KLF7: variants seen among roughly 807,000 people sequenced by gnomAD.
The protein encoded by KLF7 is KLF transcription factor 7.
In KLF7, 2 loss-of-function variants were observed where a neutral mutation model predicts 27.3. The observed-to-expected ratio is 0.07, with a 90% confidence interval of 0.03 to 0.23. The LOEUF is 0.23. Ranked by LOEUF, KLF7 falls within the 10% of genes least tolerant of loss-of-function variation. KLF7 has a pLI of 1.00. For missense variants in KLF7, 221 were observed against 394.1 expected (o/e 0.56, Z 3.72); for synonymous variants, 165 against 162.4 (o/e 1.02, Z -0.12).
intron 2 of KLF7, among the ~76,000 whole-genome samples, chr2:207,092,523 C>A (rs544382681): frequency 6.6e-6 from 1 of 152,354 alleles, no homozygotes; most frequent in African/African-American, 2.4e-5. Flanking sequence ...GAGGTGAAAA[C>A]AGACTTATAG....
At chr2:207,163,944 C>G (rs1315848619) in intron 1 of KLF7, among the ~76,000 whole-genome samples, 3 of 152,236 alleles carry the variant, frequency 2.0e-5, no homozygotes, top group Admixed American at 2.0e-4. Flanking sequence ...TGAAGAAAGA[C>G]TTTATTCTAA....
intron 1 of KLF7, among the ~76,000 whole-genome samples, chr2:207,143,727 G>T (rs1028732095): frequency 6.6e-6 from 1 of 152,296 alleles, no homozygotes; most frequent in Admixed American, 6.5e-5. Context: ...CAACGCAGGC[G>T]CCTTCAGCGA....
At chr2:207,130,200 T>G (rs1164283185) in intron 1 of KLF7, among the ~76,000 whole-genome samples, 1 of 152,206 alleles carries the variant, frequency 6.6e-6, no homozygotes, top group African/African-American at 2.4e-5. Flanking sequence ...GAAACAATCT[T>G]CCTTTCGCCT....
intron 1 of KLF7, among the ~76,000 whole-genome samples, chr2:207,147,656 C>T (rs749558122): frequency 1.1e-4 from 17 of 152,160 alleles, no homozygotes; most frequent in Non-Finnish European, 1.9e-4. Context: ...AAAGGTTTCA[C>T]CCCTATTTTC....
intron 1 of KLF7, among the ~76,000 whole-genome samples, chr2:207,148,631 T>C (rs571679716): frequency 1.8e-4 from 28 of 152,286 alleles, no homozygotes; most frequent in African/African-American, 6.7e-4. Context: ...AAATAAAAAT[T>C]CAGATTTCTA....
upstream of KLF7, among the ~76,000 whole-genome samples, chr2:207,172,144 C>G (rs910108831): frequency 3.3e-5 from 5 of 152,084 alleles, no homozygotes; most frequent in Admixed American, 1.3e-4. Flanking sequence ...TGAAACAGAT[C>G]ATAGAAACTG....
chr2:207,119,784 A>G (rs1000708961), intron 2 of KLF7, among the ~76,000 whole-genome samples: 1 of 152,056 alleles, frequency 6.6e-6, no homozygotes, highest in Non-Finnish European at 1.5e-5. Flanking sequence ...GCGCACTGCA[A>G]CCTCCGCCTC....
At chr2:207,165,365 TCAAA>T (rs756678499) in intron 1 of KLF7, 98 bp downstream of exon 1, 905 of 1,515,746 alleles carry the variant, frequency 6.0e-4, no homozygotes, top group South Asian at 1.3e-3. Flanking sequence ...GAAAAAAAAG[TCAAA>T]CAAACAAACA....
intron 2 of KLF7, among the ~76,000 whole-genome samples, chr2:207,098,392 T>C (rs922351444): frequency 1.3e-5 from 2 of 152,212 alleles, no homozygotes; most frequent in African/African-American, 4.8e-5. Flanking sequence ...GTGAATCTGT[T>C]TGAAACTCAT....
In KLF7 at chr2:207,137,970, A is replaced by G. The variant is rs184823310; in HGVS notation, c.103-13566T>C. On this transcript the variant is annotated intron_variant, in intron 1 of 3. Coordinates refer to ENST00000309446, the MANE Select transcript of KLF7 (RefSeq NM_003709.4). The stretch of plus-strand genomic sequence containing the variant: ...TTTCAAATTAACAATTCAACCCAAC[A>G]TGACAGGGAAAAAAATCAAGTGCTG... Among the ~76,000 whole-genome samples, 765 of 152,272 alleles carry G rather than the reference A, an allele frequency of 5.0e-3. 10 individuals carry two copies. Among genetic ancestry groups the G allele is most frequent in the African/African-American group, 0.017 (715 of 41,566 alleles).
At chr2:207,099,573 T>TATATATATATATATATA (rs2076714109) in intron 2 of KLF7, among the ~76,000 whole-genome samples, 2 of 130,630 alleles carry the variant, frequency 1.5e-5, no homozygotes, top group Admixed American at 7.4e-5. Flanking sequence ...TATATATATA[T>TATATATATATATATATA]GAAAAGAGAT....
chr2:207,142,555 G>A (rs2077972969), intron 1 of KLF7, among the ~76,000 whole-genome samples: 1 of 152,216 alleles, frequency 6.6e-6, no homozygotes, highest in Admixed American at 6.5e-5. Context: ...TAGGCTGAAT[G>A]AAGTGGTATG....
intron 1 of KLF7, among the ~76,000 whole-genome samples, chr2:207,125,623 A>T (rs62188620): frequency 0.031 from 4,739 of 152,332 alleles, 106 homozygotes; most frequent in Non-Finnish European, 0.05. Context: ...ATTTCAAAAG[A>T]CTGGTTTTTA....
At chr2:207,108,739 T>G (rs1181155676) in intron 2 of KLF7, among the ~76,000 whole-genome samples, 1 of 152,258 alleles carries the variant, frequency 6.6e-6, no homozygotes, top group Non-Finnish European at 1.5e-5. Flanking sequence ...TGAATAGATT[T>G]ACAATTCCTG....
chr2:207,090,815 T>C (rs1033850577), intron 2 of KLF7, among the ~76,000 whole-genome samples: 28 of 152,120 alleles, frequency 1.8e-4, no homozygotes, highest in Non-Finnish European at 3.7e-4. Flanking sequence ...AGGAGAGACA[T>C]GTTAGCATCA....
intron 1 of KLF7, among the ~76,000 whole-genome samples, chr2:207,159,278 A>C (rs145967197): frequency 2.0e-5 from 3 of 152,354 alleles, no homozygotes; most frequent in Non-Finnish European, 4.4e-5. Context: ...ATCTGCCCTA[A>C]AAGTATCCAG....
chr2:207,083,772 G>A (rs141059558), intron 3 of KLF7, among the ~76,000 whole-genome samples: 16 of 152,326 alleles, frequency 1.1e-4, no homozygotes, highest in Non-Finnish European at 2.2e-4. Flanking sequence ...TGGGCTCAAT[G>A]CCATCACAAC....
chr2:207,129,527 T>G (rs1281600487), intron 1 of KLF7, among the ~76,000 whole-genome samples: 1 of 152,198 alleles, frequency 6.6e-6, no homozygotes, highest in Non-Finnish European at 1.5e-5. Context: ...TCTCCTAGCT[T>G]CCTAATAAAT....
intron 2 of KLF7, among the ~76,000 whole-genome samples, chr2:207,110,689 T>A (rs1481628652): frequency 6.6e-6 from 1 of 152,088 alleles, no homozygotes; most frequent in Admixed American, 6.5e-5. Context: ...TTAGTGGAGG[T>A]AGGGAGATTT....
Sources: allele counts gnomAD v4.1 joint callset (sites outside exome capture counted in the v4.1 genomes callset), GRCh38; gene constraint gnomAD v4.1.1; transcripts MANE v1.5; gene names NCBI Gene and HGNC (gene_info 2026-07-23, HGNC 2026-07-21).